PIP5K1C: variants seen among roughly 807,000 people sequenced by gnomAD.
The protein encoded by PIP5K1C is phosphatidylinositol-4-phosphate 5-kinase type 1 gamma.
A neutral mutation model predicts 80.1 loss-of-function variants in PIP5K1C; 45 were observed. The observed-to-expected ratio is 0.56, with a 90% CI of 0.44 to 0.72. The LOEUF is 0.72. Among genes scored for constraint, PIP5K1C ranks in the 30% least tolerant of loss-of-function variants. The probability of loss-of-function intolerance (pLI) is 0.00; values close to 1 mark genes in which losing one functional copy is unlikely to be tolerated. For missense variants in PIP5K1C, 753 were observed against 954.6 expected (o/e 0.79, Z 2.78); for synonymous variants, 498 against 420.1 (o/e 1.19, Z -2.27).
At chr19:3,640,388 T>C (rs987067177) in intron 15 of PIP5K1C, among the ~76,000 whole-genome samples, 15 of 151,990 alleles carry the variant, frequency 9.9e-5, no homozygotes, top group African/African-American at 1.7e-4. Context: ...TGGTGGTGCA[T>C]GCCTGTAATC....
Position 3,637,779 on chromosome 19 carries a change from G to A in PIP5K1C, c.1920+1105C>T. On this transcript the variant is annotated intron_variant, in intron 16 of 17. Transcript: ENST00000335312. This position sits in a 1 kb window ranked among gnomAD's most constrained non-coding sequence, Gnocchi z 7.0. ...GTGGGGGGTGCCGGGGCAGGGGCAGGACCGAGGACCCTTCTCCCTTCTCTG... is the reference window on the plus strand; with the variant it reads ...GTGGGGGGTGCCGGGGCAGGGGCAGAACCGAGGACCCTTCTCCCTTCTCTG... 1 of 1,533,220 alleles carries A rather than the reference G, an allele frequency of 6.5e-7. No homozygotes were observed. The highest frequency in any genetic ancestry group is 2.4e-5 in the East Asian group (1 of 40,890). The allele number at this position is 1,533,220 out of a possible 1,614,324, so 95.0% of individuals were successfully genotyped here. A position where few individuals can be genotyped will look rare whatever the true frequency, so the allele number is the denominator to read the frequency against.
chr19:3,643,021 C>T, intron 13 of PIP5K1C, 82 bp from the exon 14 acceptor site: 4 of 1,544,758 alleles, frequency 2.6e-6, no homozygotes, highest in Non-Finnish European at 3.6e-6. Context: ...TACCCGCCTG[C>T]CTACCTGCCC....
chr19:3,643,422 G>GCC (rs758748230), intron 12 of PIP5K1C, 41 bp from the exon 13 acceptor site: 54 of 1,610,358 alleles, frequency 3.4e-5, no homozygotes, highest in Non-Finnish European at 4.6e-5. Flanking sequence ...GAGCCTCCGA[G>GCC]CCCCCAAACA....
At chr19:3,645,888 C>T (rs1442075520) in intron 11 of PIP5K1C, 86 bp downstream of exon 11, 12 of 1,025,450 alleles carry the variant, frequency 1.2e-5, no homozygotes, top group Admixed American at 5.1e-5. Flanking sequence ...AGGGGGCTCT[C>T]GGCCTCCCGC....
chr19:3,691,091 C>A (rs547888113), intron 1 of PIP5K1C, among the ~76,000 whole-genome samples: 1 of 152,154 alleles, frequency 6.6e-6, no homozygotes, highest in Non-Finnish European at 1.5e-5. Flanking sequence ...CTTGTGGAAA[C>A]GCAGTTCCAA....
Position 3,644,152 on chromosome 19 carries a change from C to A in PIP5K1C, c.1445G>T (p.Ser482Ile), listed in dbSNP as rs2034106507. Residue 482 changes from serine (S) to isoleucine (I), a missense_variant, in exon 12 of 18, where the codon AGC becomes ATC. By Grantham distance (142) the Ser-to-Ile change is moderately radical. Transcript: ENST00000335312. ...GTCGTACTGGGCCTCCTCCCGCTCG[C>A]TAGGGATCTGGCTGGCCGAGAAGGC... ...TAAFSASQIP[S>I]EREEAQYDLR... 1 of 1,612,246 alleles carries A rather than the reference C, an allele frequency of 6.2e-7. No homozygotes were observed. The highest frequency in any genetic ancestry group is 1.1e-5 in the South Asian group (1 of 91,076).
At chr19:3,664,938 T>C in intron 2 of PIP5K1C, 24 bp from the exon 3 acceptor site, 1 of 1,576,580 alleles carries the variant, frequency 6.3e-7, no homozygotes, top group Non-Finnish European at 8.7e-7. Context: ...GCAGGAAGCG[T>C]TAACTCCCTA....
At chr19:3,693,344 A>C (rs986816058) in intron 1 of PIP5K1C, among the ~76,000 whole-genome samples, 3 of 151,876 alleles carry the variant, frequency 2.0e-5, no homozygotes, top group African/African-American at 2.4e-5. Flanking sequence ...CCCCCATGCC[A>C]GCTCAGGCAC....
At position 3,688,958 on chromosome 19, in the gene PIP5K1C, T is replaced by TGG. The variant is rs146903876; in HGVS notation, c.94+11337_94+11338dup. 6.9e-3 allele frequency among the ~76,000 whole-genome samples: 1,009 copies of TGG among 146,082 alleles called. 15 individuals carry two copies. The highest frequency in any genetic ancestry group is 0.023 in the African/African-American group (939 of 40,268). On this transcript the variant is annotated intron_variant, in intron 1 of 17. Coordinates refer to ENST00000335312, the MANE Select transcript of PIP5K1C (RefSeq NM_012398.3). The surrounding 1 kb of genome is among the most constrained non-coding windows in gnomAD (Gnocchi z 5.3). The stretch of plus-strand genomic sequence containing the variant: ...GAGTGCCCGGGATGGGGCTGGGGGG[T>TGG]GGGGGGGGCTTGGCGCACGCGGCCT...
intron 1 of PIP5K1C, among the ~76,000 whole-genome samples, chr19:3,670,248 C>T (rs560222947): frequency 3.3e-5 from 5 of 152,332 alleles, no homozygotes; most frequent in East Asian, 3.9e-4. Context: ...CCGACATTCA[C>T]GTCCTTCCAA....
intron 1 of PIP5K1C, among the ~76,000 whole-genome samples, chr19:3,676,511 G>GC (rs933318213): frequency 7.9e-5 from 12 of 152,106 alleles, no homozygotes; most frequent in African/African-American, 2.9e-4. Flanking sequence ...CCATCACTCG[G>GC]CCCCCCGCCT....
At chr19:3,686,116 G>T (rs1215077503) in intron 1 of PIP5K1C, among the ~76,000 whole-genome samples, 1 of 152,114 alleles carries the variant, frequency 6.6e-6, no homozygotes, top group Admixed American at 6.5e-5. Context: ...GCCTCCCGAA[G>T]CACTGGGATT....
At chr19:3,683,830 T>G (rs1036585599) in intron 1 of PIP5K1C, among the ~76,000 whole-genome samples, 1 of 151,688 alleles carries the variant, frequency 6.6e-6, no homozygotes, top group African/African-American at 2.4e-5. Context: ...AGCAGGAACA[T>G]CCTGTGCAGA....
Position 3,632,337 on chromosome 19 carries a change from T to C in PIP5K1C, c.*830A>G, listed in dbSNP as rs2033494279. The C allele has an allele frequency of 6.6e-6, 1 of 152,318 alleles. No homozygotes were observed. The highest frequency in any genetic ancestry group is 2.4e-5 in the African/African-American group (1 of 41,444). 9.4% of individuals were successfully genotyped at this position (152,318 alleles called of 1,614,324 possible). ...CCTGCCATGGAGAAAACGTCTCCGT[T>C]GCCTGGGCCCTCCATGCCAGTTGCT... On this transcript the variant is annotated 3_prime_UTR_variant, in exon 18 of 18. Coordinates refer to ENST00000335312, the MANE Select transcript of PIP5K1C (RefSeq NM_012398.3).
At position 3,632,473 on chromosome 19, in the gene PIP5K1C, T is replaced by C. The variant is rs2033497821; in HGVS notation, c.*694A>G. 1 of 152,358 alleles carries C rather than the reference T, an allele frequency of 6.6e-6. No individual in the cohort carries two copies. Among genetic ancestry groups the C allele is most frequent in the Non-Finnish European group, 1.5e-5 (1 of 68,166 alleles). The allele number at this position is 152,358 out of a possible 1,614,324, so 9.4% of individuals were successfully genotyped here. On this transcript the variant is annotated 3_prime_UTR_variant, in exon 18 of 18. Coordinates refer to ENST00000335312, the MANE Select transcript of PIP5K1C (RefSeq NM_012398.3). The stretch of plus-strand genomic sequence containing the variant: ...GCCCTCCAGCTGTGGTGGGTCTGGA[T>C]TGGAGGCGCCAGAGGTTTTTGCTCG...
In PIP5K1C at chr19:3,700,326, G is replaced by A. The variant is rs1290989306; in HGVS notation, c.65C>T (p.Ala22Val). The change falls in exon 1 of 18, where the codon GCG becomes GTG. Residue 22 changes from alanine to valine, a missense_variant. Physicochemically the swap from Ala to Val is moderately conservative, Grantham distance 64. This residue lies in a region of PIP5K1C where 78 missense variants were observed against 67.1 expected (regional missense o/e 1.16). Coordinates refer to ENST00000335312, the MANE Select transcript of PIP5K1C (RefSeq NM_012398.3). Reference sequence around the variant, plus strand: ...CGCCGCCCCGCTCTCTGCCGCCCACGCCGCCTCCGAGGGCACGGCCCCCGC... The same window carrying A: ...CGCCGCCCCGCTCTCTGCCGCCCACACCGCCTCCGAGGGCACGGCCCCCGC... ...AEAGAVPSEA[A>V]WAAESGAAAG... The A allele has an allele frequency of 6.2e-6, 8 of 1,295,066 alleles. No homozygotes were observed. In the East Asian group the frequency reaches 2.3e-4, roughly 37 times the overall value. The allele number at this position is 1,295,066 out of a possible 1,614,324, so 80.2% of individuals were successfully genotyped here. A position where few individuals can be genotyped will look rare whatever the true frequency, so the allele number is the denominator to read the frequency against.
chr19:3,661,107 A>G (rs1264745862), intron 4 of PIP5K1C, 24 bp from the exon 5 acceptor site: 2 of 1,537,410 alleles, frequency 1.3e-6, no homozygotes, highest in South Asian at 2.2e-5. Context: ...ACGGGAGGAA[A>G]CCTGTGAGGG....
At chr19:3,636,669 G>A (rs905699107) in intron 16 of PIP5K1C, 17 of 985,520 alleles carry the variant, frequency 1.7e-5, no homozygotes, top group African/African-American at 1.2e-4. Context: ...TAGAGCAGCC[G>A]GGGAAGTGGT....
intron 15 of PIP5K1C, among the ~76,000 whole-genome samples, chr19:3,640,159 A>C (rs2033901246): frequency 6.6e-6 from 1 of 152,196 alleles, no homozygotes. Context: ...TTACAAAGGC[A>C]AGAAGAATTT....
Sources: gnomAD v4.1 joint callset for allele counts (sites outside exome capture counted in the v4.1 genomes callset) on GRCh38, gnomAD v4.1.1 for gene constraint, gnomAD v4.1.1 regional missense constraint, Gnocchi (gnomAD v3.1) non-coding constraint, MANE v1.5 for transcripts, NCBI Gene and HGNC (gene_info 2026-07-23, HGNC 2026-07-21) for gene names.